The following APBB1IP variants were observed in gnomAD, a reference collection of about 807,000 sequenced individuals.
The protein encoded by APBB1IP is amyloid beta A4 precursor protein-binding family B member 1-interacting protein.
APBB1IP carries 27 observed loss-of-function variants against 64.9 expected under a neutral mutation model. The ratio of observed to expected loss-of-function variants is 0.42; its 90% confidence interval spans 0.31 to 0.57. The LOEUF (loss-of-function observed/expected upper bound fraction) is 0.57. APBB1IP is among the 20% of genes least tolerant of loss of function. The probability of loss-of-function intolerance (pLI) is 0.20; values close to 1 mark genes in which losing one functional copy is unlikely to be tolerated. For synonymous variants in APBB1IP, 392 were observed against 331.0 expected (o/e 1.18, Z -2.00); for missense variants, 812 against 845.5 (o/e 0.96, Z 0.49).
intron 2 of APBB1IP, among the ~76,000 whole-genome samples, chr10:26,490,111 A>C (rs1159054443): frequency 6.6e-6 from 1 of 152,198 alleles, no homozygotes; most frequent in Non-Finnish European, 1.5e-5. Flanking sequence ...TCATAGACAT[A>C]TTTAATAAAG....
At chr10:26,550,773 A>G (rs1232422608) in intron 11 of APBB1IP, among the ~76,000 whole-genome samples, 2 of 152,126 alleles carry the variant, frequency 1.3e-5, no homozygotes, top group Admixed American at 1.3e-4. Context: ...TTTCTAGGCT[A>G]TTCTTACTCC....
rs186805110 is a variant in APBB1IP, at chr10:26,489,594, C to A, written c.1-2733C>A. Among the ~76,000 whole-genome samples the A allele has an allele frequency of 1.6e-4, 25 of 152,304 alleles. 1 individual carries two copies. In the East Asian group the frequency reaches 4.4e-3, roughly 27 times the overall value. On this transcript the variant is annotated intron_variant, in intron 2 of 14. Coordinates refer to ENST00000376236, the MANE Select transcript of APBB1IP (RefSeq NM_019043.4). ...TTCTGATTGCTCAGCGTCAATGCTA[C>A]CCTGGGTGCTAAATGTTGCTAATAT...
intron 2 of APBB1IP, among the ~76,000 whole-genome samples, chr10:26,460,333 A>G (rs1346524728): frequency 6.6e-6 from 1 of 152,204 alleles, no homozygotes; most frequent in East Asian, 1.9e-4. Flanking sequence ...AAGAAAGACA[A>G]AGAATTTGTT....
chr10:26,445,020 C>A (rs549656740), intron 2 of APBB1IP, among the ~76,000 whole-genome samples: 1 of 151,590 alleles, frequency 6.6e-6, no homozygotes, highest in African/African-American at 2.4e-5. Flanking sequence ...ATCGCTTGAA[C>A]CCAGGAGGTG....
chr10:26,552,868 G>C (rs1210021812), intron 11 of APBB1IP, among the ~76,000 whole-genome samples: 1 of 151,920 alleles, frequency 6.6e-6, no homozygotes, highest in East Asian at 1.9e-4. Flanking sequence ...CTTTTCCTTG[G>C]GCCACAGACA....
chr10:26,507,391 G>A (rs929710394), intron 6 of APBB1IP, among the ~76,000 whole-genome samples: 7 of 152,188 alleles, frequency 4.6e-5, no homozygotes, highest in Non-Finnish European at 1.0e-4. Context: ...CCCAGCTACA[G>A]GTGGCTGAGG....
At chr10:26,492,091 A>G (rs1835962397) in intron 2 of APBB1IP, among the ~76,000 whole-genome samples, 2 of 152,116 alleles carry the variant, frequency 1.3e-5, no homozygotes, top group Admixed American at 1.3e-4. Context: ...TAGCCTGGAA[A>G]AATTCAACTG....
intron 2 of APBB1IP, among the ~76,000 whole-genome samples, chr10:26,454,982 CATG>C (rs1408396249): frequency 6.6e-6 from 1 of 152,200 alleles, no homozygotes; most frequent in East Asian, 1.9e-4. Flanking sequence ...TTTGACAACA[CATG>C]ATGAAGCAAT....
intron 2 of APBB1IP, among the ~76,000 whole-genome samples, chr10:26,475,986 G>C (rs1835770481): frequency 6.6e-6 from 1 of 152,118 alleles, no homozygotes; most frequent in Non-Finnish European, 1.5e-5. Context: ...CCAGCACTTT[G>C]GGAGGCCAAG....
chr10:26,553,792 T>C (rs771825873), intron 11 of APBB1IP, among the ~76,000 whole-genome samples: 1 of 152,220 alleles, frequency 6.6e-6, no homozygotes, highest in Non-Finnish European at 1.5e-5. Context: ...TGGAAACTGC[T>C]ATTATTAAGA....
At chr10:26,469,077 A>G (rs953280796) in intron 2 of APBB1IP, among the ~76,000 whole-genome samples, 6 of 148,574 alleles carry the variant, frequency 4.0e-5, no homozygotes, top group Non-Finnish European at 7.4e-5. Context: ...GTCTCAAAAG[A>G]TAGTCCTTTT....
chr10:26,494,003 AT>A (rs959150484), intron 3 of APBB1IP, among the ~76,000 whole-genome samples: 127 of 148,896 alleles, frequency 8.5e-4, no homozygotes, highest in Admixed American at 3.7e-3. Context: ...CACCCAGCTA[AT>A]TTTTTTTTTC....
At chr10:26,545,329 T>C (rs982155999) in intron 11 of APBB1IP, among the ~76,000 whole-genome samples, 2 of 152,170 alleles carry the variant, frequency 1.3e-5, no homozygotes, top group Non-Finnish European at 2.9e-5. Context: ...CAGGGAGGCA[T>C]GTTAACAGAC....
At chr10:26,551,636 TGGAA>T (rs1836832069) in intron 11 of APBB1IP, among the ~76,000 whole-genome samples, 1 of 152,220 alleles carries the variant, frequency 6.6e-6, no homozygotes, top group South Asian at 2.1e-4. Flanking sequence ...TGGAATGTCA[TGGAA>T]GGAGCGCTGG....
rs1484600260 is a variant in APBB1IP, at chr10:26,503,329, T to C, written c.531+55T>C. The C allele has an allele frequency of 2.5e-6, 4 of 1,575,806 alleles. No individual in the cohort carries two copies. The African/African-American group carries it at 4.1e-5, about 16-fold the overall frequency. ...CAGTTCAATTAAGGACCTGTGATTA[T>C]GCTTAATGATAAAAAACAAAATAAA... On this transcript the variant is annotated intron_variant, in intron 6 of 14. Transcript: ENST00000376236.
intron 2 of APBB1IP, among the ~76,000 whole-genome samples, chr10:26,470,975 T>C (rs1835709242): frequency 2.0e-5 from 3 of 152,196 alleles, no homozygotes; most frequent in Non-Finnish European, 4.4e-5. Flanking sequence ...GAGCAACACT[T>C]ACTGAACTTT....
intron 11 of APBB1IP, among the ~76,000 whole-genome samples, chr10:26,556,358 G>A (rs1473924121): frequency 6.6e-6 from 1 of 152,192 alleles, no homozygotes; most frequent in African/African-American, 2.4e-5. Flanking sequence ...CACCAAGGGA[G>A]CCAGAAAGGA....
chr10:26,450,380 T>G (rs1440113401), intron 2 of APBB1IP, among the ~76,000 whole-genome samples: 2 of 152,018 alleles, frequency 1.3e-5, no homozygotes, highest in East Asian at 3.9e-4. Context: ...ATTTTGACAT[T>G]TTGAAAAGAA....
intron 2 of APBB1IP, among the ~76,000 whole-genome samples, chr10:26,469,906 C>CT (rs1461394858): frequency 6.6e-6 from 1 of 152,132 alleles, no homozygotes; most frequent in Non-Finnish European, 1.5e-5. Flanking sequence ...TAGGACTTTT[C>CT]TTTTTTTAAA....
Sources: allele counts gnomAD v4.1 joint callset (sites outside exome capture counted in the v4.1 genomes callset), GRCh38; gene constraint gnomAD v4.1.1; transcripts MANE v1.5; gene names NCBI Gene and HGNC (gene_info 2026-07-23, HGNC 2026-07-21).